OPHN1: variants seen among roughly 807,000 people sequenced by gnomAD.
OPHN1 encodes oligophrenin 1, also known as oligophrenin-1.
OPHN1 carries 11 observed loss-of-function variants against 60.7 expected under a neutral mutation model. The observed-to-expected ratio is 0.18, with a 90% confidence interval of 0.11 to 0.30. The LOEUF (loss-of-function observed/expected upper bound fraction) is 0.30. Among genes scored for constraint, OPHN1 ranks in the 10% least tolerant of loss-of-function variants. OPHN1 has a pLI of 1.00. For synonymous variants in OPHN1, 226 were observed against 222.6 expected (o/e 1.02, Z -0.14); for missense variants, 449 against 611.0 (o/e 0.73, Z 2.80).
At position 68,388,086 on chromosome X, in the gene OPHN1, T is replaced by C. The variant is rs1017122428; in HGVS notation, c.154+44781A>G. Among the ~76,000 whole-genome samples the C allele has an allele frequency of 4.7e-5, 5 of 106,047 alleles. No homozygotes were observed. In the Admixed American group the frequency reaches 5.4e-4, roughly 11 times the overall value. The allele number at this position is 106,047 out of a possible 115,157, so 92.1% of individuals were successfully genotyped here. A position where few individuals can be genotyped will look rare whatever the true frequency, so the allele number is the denominator to read the frequency against. On this transcript the variant is annotated intron_variant, in intron 2 of 24. Transcript: ENST00000355520. Reference sequence around the variant, plus strand: ...GCAGTTTGGTGGGTGGAGTGGAAGATATATATGGGAATAAATAACAGAAAA... The same window carrying C: ...GCAGTTTGGTGGGTGGAGTGGAAGACATATATGGGAATAAATAACAGAAAA...
At chrX:68,162,583 T>C (rs1705322977) in intron 15 of OPHN1, among the ~76,000 whole-genome samples, 1 of 109,962 alleles carries the variant, frequency 9.1e-6, no homozygotes, top group African/African-American at 3.3e-5. Context: ...GAGGGAAGAA[T>C]TGTCTCTCTA....
intron 5 of OPHN1, among the ~76,000 whole-genome samples, chrX:68,247,035 T>C (rs1286826875): frequency 9.0e-6 from 1 of 111,706 alleles, no homozygotes; most frequent in East Asian, 2.8e-4. Context: ...CCTCATGAGA[T>C]GGCAACGCGT....
intron 2 of OPHN1, among the ~76,000 whole-genome samples, chrX:68,353,065 T>C (rs762422314): frequency 1.2e-4 from 13 of 108,501 alleles, no homozygotes; most frequent in South Asian, 8.2e-4. Flanking sequence ...GGTGGGAGGA[T>C]CACTTCAGCT....
intron 15 of OPHN1, among the ~76,000 whole-genome samples, chrX:68,182,063 G>A (rs952582990): frequency 1.8e-5 from 2 of 110,948 alleles, no homozygotes; most frequent in African/African-American, 3.3e-5. Flanking sequence ...TCTCCCGGAC[G>A]ACTGGTGGGT....
chrX:68,110,314 C>G (rs2077098852), intron 18 of OPHN1, among the ~76,000 whole-genome samples: 1 of 111,729 alleles, frequency 9.0e-6, no homozygotes, highest in Non-Finnish European at 1.9e-5. Context: ...TTCATGTCTT[C>G]TTTTGATTTC....
intron 2 of OPHN1, among the ~76,000 whole-genome samples, chrX:68,352,361 GA>G (rs11452730): frequency 6.8e-4 from 64 of 93,541 alleles, no homozygotes; most frequent in African/African-American, 1.3e-3. Flanking sequence ...CAAAAGAAAT[GA>G]AAAAAAAAAA....
At chrX:68,079,762 A>G (rs1453681213) in intron 19 of OPHN1, among the ~76,000 whole-genome samples, 2 of 111,996 alleles carry the variant, frequency 1.8e-5, no homozygotes, top group Non-Finnish European at 3.8e-5. Context: ...ACATTTCTAG[A>G]ATTAAACACT....
intron 15 of OPHN1, among the ~76,000 whole-genome samples, chrX:68,144,435 C>A (rs2077255711): frequency 9.0e-6 from 1 of 111,042 alleles, no homozygotes; most frequent in African/African-American, 3.3e-5. Context: ...AGATAATAAG[C>A]ATTAAGTATA....
At chrX:68,362,121 C>T (rs1395400110) in intron 2 of OPHN1, among the ~76,000 whole-genome samples, 2 of 112,199 alleles carry the variant, frequency 1.8e-5, no homozygotes, top group Non-Finnish European at 3.7e-5. Flanking sequence ...GGATATTAAA[C>T]TCTTATCATA....
At chrX:68,133,494 T>C in intron 15 of OPHN1, 1 of 499,646 alleles carries the variant, frequency 2.0e-6, no homozygotes. Flanking sequence ...ATGCCTGCTG[T>C]ACACTTTTTG....
At chrX:68,195,940 C>A (rs193199095) in intron 12 of OPHN1, among the ~76,000 whole-genome samples, 6 of 111,852 alleles carry the variant, frequency 5.4e-5, no homozygotes, top group Non-Finnish European at 1.1e-4. Context: ...AAAGGGAGAG[C>A]AAACTTGGGA....
chrX:68,230,032 T>C (rs1055077332), intron 6 of OPHN1, among the ~76,000 whole-genome samples: 14 of 111,947 alleles, frequency 1.3e-4, no homozygotes, highest in Admixed American at 9.5e-4. Flanking sequence ...AGGGCGAATA[T>C]CCAGAATCTA....
rs1486529106 is a variant in OPHN1, at chrX:68,433,475, G to C, written c.-312C>G. The C allele has an allele frequency of 7.3e-6, 2 of 275,703 alleles. No homozygotes were observed. The highest frequency in any genetic ancestry group is 5.6e-5 in the African/African-American group (2 of 36,005). The allele number at this position is 275,703 out of a possible 1,213,427, so 22.7% of individuals were successfully genotyped here. ...GCCTCTCTACAGGCTCCTCGCTCCGGAGCGAGCGGAAGACTTCCTTGGCCG... is the reference window on the plus strand; with the variant it reads ...GCCTCTCTACAGGCTCCTCGCTCCGCAGCGAGCGGAAGACTTCCTTGGCCG... On this transcript the variant is annotated 5_prime_UTR_variant, in exon 1 of 25. Coordinates refer to ENST00000355520, the MANE Select transcript of OPHN1 (RefSeq NM_002547.3).
intron 2 of OPHN1, among the ~76,000 whole-genome samples, chrX:68,330,700 C>A (rs7887146): frequency 1.9e-5 from 2 of 106,735 alleles, no homozygotes; most frequent in African/African-American, 6.8e-5. Context: ...ATCTAAAATT[C>A]GAAAAAGAAC....
intron 21 of OPHN1, among the ~76,000 whole-genome samples, chrX:68,063,219 A>C (rs2076899692): frequency 1.8e-5 from 2 of 111,085 alleles, no homozygotes; most frequent in Non-Finnish European, 3.8e-5. Flanking sequence ...CAAAAAAAAA[A>C]ACAGGAATAA....
chrX:68,073,539 A>G (rs1460978864), intron 19 of OPHN1, among the ~76,000 whole-genome samples: 1 of 112,189 alleles, frequency 8.9e-6, no homozygotes. Flanking sequence ...AAAAATGCCT[A>G]TAAAAGATGG....
At chrX:68,191,435 A>G (rs756683373) in intron 15 of OPHN1, among the ~76,000 whole-genome samples, 3 of 112,028 alleles carry the variant, frequency 2.7e-5, no homozygotes, top group South Asian at 7.5e-4. Flanking sequence ...TGGAACAGAG[A>G]TTTTGTGAGT....
At chrX:68,358,982 C>A (rs183749501) in intron 2 of OPHN1, among the ~76,000 whole-genome samples, 243 of 111,948 alleles carry the variant, frequency 2.2e-3, no homozygotes, top group Non-Finnish European at 3.8e-3. Context: ...TCTATTCTCT[C>A]AAAATGGCAG....
At chrX:68,093,436 G>A (rs1473534554) in intron 19 of OPHN1, among the ~76,000 whole-genome samples, 1 of 111,214 alleles carries the variant, frequency 9.0e-6, no homozygotes, top group Admixed American at 9.6e-5. Flanking sequence ...TGGGATAAAT[G>A]CCCAGGAGTG....
Sources: gnomAD v4.1 joint callset for allele counts (sites outside exome capture counted in the v4.1 genomes callset) on GRCh38, gnomAD v4.1.1 for gene constraint, MANE v1.5 for transcripts, NCBI Gene and HGNC (gene_info 2026-07-23, HGNC 2026-07-21) for gene names.